Variants in KIT observed in about 807,000 individuals in gnomAD.
The protein encoded by KIT is KIT proto-oncogene, receptor tyrosine kinase, also known as mast/stem cell growth factor receptor Kit.
A neutral mutation model predicts 105.7 loss-of-function variants in KIT; 16 were observed. The observed-to-expected ratio is 0.15, with a 90% CI of 0.10 to 0.23. The LOEUF is 0.23. KIT is among the 10% of genes least tolerant of loss of function. The pLI, the probability that KIT is intolerant of heterozygous loss-of-function variation, is 1.00. For missense variants in KIT, 858 were observed against 1,213.8 expected, an observed-to-expected ratio of 0.71 and a Z score of 4.36; for synonymous variants, 438 against 441.1, an observed-to-expected ratio of 0.99 and a Z score of 0.09.
At chr4:54,680,671 G>A (rs1451350631) in intron 1 of KIT, among the ~76,000 whole-genome samples, 3 of 152,068 alleles carry the variant, frequency 2.0e-5, no homozygotes, top group Non-Finnish European at 4.4e-5. Context: ...GGGATTACAG[G>A]TATGAGCCAC....
Position 54,727,471 on chromosome 4 carries a change from A to C in KIT, c.1703A>C (p.Tyr568Ser). Residue 568 changes from tyrosine (Y) to serine (S), a missense_variant, in exon 11 of 21, where the codon TAT (tyrosine) becomes TCT (serine). Physicochemically the swap from Tyr to Ser is moderately radical, Grantham distance 144. Coordinates refer to ENST00000288135, the MANE Select transcript of KIT (RefSeq NM_000222.3). Reference sequence around the variant, plus strand: ...GTTGAGGAGATAAATGGAAACAATTATGTTTACATAGACCCAACACAACTT... The same window carrying C: ...GTTGAGGAGATAAATGGAAACAATTCTGTTTACATAGACCCAACACAACTT... ...KVVEEINGNN[Y>S]VYIDPTQLPY... The C allele has an allele frequency of 6.2e-7, 1 of 1,613,988 alleles. No homozygotes were observed. Among genetic ancestry groups the C allele is most frequent in the Non-Finnish European group, 8.5e-7 (1 of 1,179,874 alleles).
chr4:54,729,122 C>G (rs914034573), intron 13 of KIT, among the ~76,000 whole-genome samples: 1 of 152,148 alleles, frequency 6.6e-6, no homozygotes, highest in Non-Finnish European at 1.5e-5. Context: ...CTTAGAAATT[C>G]AGGTTAAAAG....
rs1236191460 is a variant in KIT, at chr4:54,728,002, C to A, written c.1880-9C>A. On this transcript the variant is annotated splice_polypyrimidine_tract_variant and intron_variant, in intron 12 of 20. Coordinates refer to ENST00000288135, the MANE Select transcript of KIT (RefSeq NM_000222.3). Reference sequence around the variant, plus strand: ...TGCTTTTTGCTAAAATGCATGTTTCCAATTTTAGCGAGTGCCCATTTGACA... The same window carrying A: ...TGCTTTTTGCTAAAATGCATGTTTCAAATTTTAGCGAGTGCCCATTTGACA... 1.9e-6 allele frequency: 3 copies of A among 1,613,294 alleles called. No individual in the cohort carries two copies. Among genetic ancestry groups the A allele is most frequent in the Non-Finnish European group, 8.5e-7 (1 of 1,179,266 alleles).
chr4:54,711,636 T>C (rs990705090), intron 7 of KIT, among the ~76,000 whole-genome samples: 3 of 148,586 alleles, frequency 2.0e-5, no homozygotes, highest in East Asian at 2.0e-4. Context: ...TAATAGTATA[T>C]AGAGGCTGGA....
At chr4:54,668,405 G>A (rs1277047966) in intron 1 of KIT, among the ~76,000 whole-genome samples, 2 of 152,224 alleles carry the variant, frequency 1.3e-5, no homozygotes, top group Non-Finnish European at 2.9e-5. Flanking sequence ...TGCTTAGTGA[G>A]GCAAAATATC....
intron 6 of KIT, 30 bp from the exon 7 acceptor site, chr4:54,709,393 AG>A (rs1194730608): frequency 1.5e-6 from 2 of 1,335,186 alleles, no homozygotes; most frequent in Non-Finnish European, 2.2e-6. Context: ...TGCTATCCAC[AG>A]GTGATTGACT....
chr4:54,719,383 G>T (rs1016024354), intron 7 of KIT, among the ~76,000 whole-genome samples: 4 of 152,164 alleles, frequency 2.6e-5, no homozygotes, highest in African/African-American at 9.7e-5. Flanking sequence ...GGATGGTGAT[G>T]AAAAGGAATA....
intron 17 of KIT, among the ~76,000 whole-genome samples, 197 bp from the exon 18 acceptor site, chr4:54,736,301 G>T (rs1044202567): frequency 6.6e-6 from 1 of 152,182 alleles, no homozygotes; most frequent in Admixed American, 6.5e-5. Context: ...TTAAAATGGG[G>T]ATAATGCACT....
At chr4:54,674,841 T>C (rs1297601848) in intron 1 of KIT, among the ~76,000 whole-genome samples, 1 of 152,212 alleles carries the variant, frequency 6.6e-6, no homozygotes, top group Non-Finnish European at 1.5e-5. Flanking sequence ...GAGAAAAATT[T>C]ATAAGAACTG....
In KIT at chr4:54,658,077, G is replaced by A. The variant is rs1197233271; in HGVS notation, c.63G>A (p.Gln21=). ...TTCTGCTCCTACTGCTTCGCGTCCAGACAGGTGGGACACCGCGGCTGGCAC... is the reference window on the plus strand; with the variant it reads ...TTCTGCTCCTACTGCTTCGCGTCCAAACAGGTGGGACACCGCGGCTGGCAC... ...LCVLLLLLRV[Q]TGSSQPSVSP... The change falls in exon 1 of 21, where the codon CAG becomes CAA. Residue 21 remains glutamine, a synonymous_variant. Coordinates refer to ENST00000288135, the MANE Select transcript of KIT (RefSeq NM_000222.3). 8 of 1,613,850 alleles carry A rather than the reference G, an allele frequency of 5.0e-6. No individual in the cohort carries two copies. The East Asian group carries it at 1.8e-4, about 36-fold the overall frequency.
chr4:54,690,015 GTTCA>G (rs1719581794), intron 1 of KIT, among the ~76,000 whole-genome samples: 1 of 149,038 alleles, frequency 6.7e-6, no homozygotes, highest in South Asian at 2.1e-4. Context: ...TGTTTGCAAG[GTTCA>G]TTCATGTGTG....
At chr4:54,699,051 G>T (rs764132196) in intron 3 of KIT, among the ~76,000 whole-genome samples, 1 of 152,182 alleles carries the variant, frequency 6.6e-6, no homozygotes, top group Non-Finnish European at 1.5e-5. Flanking sequence ...TGGTTGTGCC[G>T]TTATGTAGAA....
At chr4:54,714,635 T>C (rs1016708562) in intron 7 of KIT, among the ~76,000 whole-genome samples, 3 of 152,232 alleles carry the variant, frequency 2.0e-5, no homozygotes, top group Admixed American at 2.0e-4. Flanking sequence ...TTCAAACCTT[T>C]GGAATAATTT....
intron 7 of KIT, among the ~76,000 whole-genome samples, chr4:54,719,609 C>T (rs1167948281): frequency 6.6e-6 from 1 of 152,058 alleles, no homozygotes; most frequent in Non-Finnish European, 1.5e-5. Flanking sequence ...AACTTATACA[C>T]CTCTTAGGCT....
intron 1 of KIT, among the ~76,000 whole-genome samples, chr4:54,670,690 G>A (rs2109567720): frequency 6.6e-6 from 1 of 152,236 alleles, no homozygotes; most frequent in African/African-American, 2.4e-5. Context: ...CCCCAAGGCA[G>A]GTCATAGAAA....
chr4:54,739,003 A>T lies in KIT; in HGVS notation c.*446A>T. The T allele has an allele frequency of 4.0e-6, 2 of 496,030 alleles. No homozygotes were observed. The highest frequency in any genetic ancestry group is 7.4e-5 in the Admixed American group (2 of 27,134). The allele number at this position is 496,030 out of a possible 1,614,324, so 30.7% of individuals were successfully genotyped here. On this transcript the variant is annotated 3_prime_UTR_variant, in exon 21 of 21. Coordinates refer to ENST00000288135, the MANE Select transcript of KIT (RefSeq NM_000222.3). ...AAGTCCTTTATGTGGAAAACAGAAC[A>T]TCATTAGAACAAAGGACAGAGTATG...
chr4:54,738,311 C>G, intron 20 of KIT, 118 bp from the exon 21 acceptor site: 2 of 1,274,242 alleles, frequency 1.6e-6, no homozygotes, highest in Non-Finnish European at 2.3e-6. Context: ...TTCTTGGAAA[C>G]CACTTCTCTC....
intron 1 of KIT, among the ~76,000 whole-genome samples, chr4:54,688,142 A>G (rs1422643099): frequency 6.6e-6 from 1 of 151,982 alleles, no homozygotes; most frequent in Non-Finnish European, 1.5e-5. Context: ...CACTGAGCTC[A>G]TACTCCCCCT....
At chr4:54,682,952 A>G (rs543262918) in intron 1 of KIT, among the ~76,000 whole-genome samples, 6 of 150,556 alleles carry the variant, frequency 4.0e-5, no homozygotes, top group South Asian at 2.1e-4. Flanking sequence ...GGGTTTCACC[A>G]TATTGACCAT....
Sources: gnomAD v4.1 joint callset for allele counts (sites outside exome capture counted in the v4.1 genomes callset) on GRCh38, gnomAD v4.1.1 for gene constraint, MANE v1.5 for transcripts, NCBI Gene and HGNC (gene_info 2026-07-23, HGNC 2026-07-21) for gene names.